Variants in NMT2 observed in about 807,000 individuals in gnomAD.
NMT2 encodes the protein glycylpeptide N-tetradecanoyltransferase 2.
Under a neutral mutation model 65.4 loss-of-function variants are expected in NMT2, and 35 were observed. That is an observed-to-expected ratio of 0.54 (90% CI 0.41 to 0.71). NMT2 has a LOEUF of 0.71. NMT2 is among the 30% of genes least tolerant of loss of function. The pLI, the probability that NMT2 is intolerant of heterozygous loss-of-function variation, is 0.00. For synonymous variants in NMT2, 226 were observed against 231.8 expected, an observed-to-expected ratio of 0.98 and a Z score of 0.23; for missense variants, 489 against 611.3, an observed-to-expected ratio of 0.80 and a Z score of 2.11.
At chr10:15,130,445 G>T in intron 6 of NMT2, 133 bp from the exon 7 acceptor site, 1 of 703,390 alleles carries the variant, frequency 1.4e-6, no homozygotes, top group Non-Finnish European at 2.2e-6. Flanking sequence ...ACTGGCTGTC[G>T]CCTGTAATCT....
intron 1 of NMT2, among the ~76,000 whole-genome samples, chr10:15,144,557 G>A (rs1424486694): frequency 6.6e-6 from 1 of 152,086 alleles, no homozygotes; most frequent in Non-Finnish European, 1.5e-5. Flanking sequence ...TGGTGAAACT[G>A]CGTCTCTACT....
chr10:15,135,049 G>A (rs111523476), intron 3 of NMT2, among the ~76,000 whole-genome samples: 2,759 of 152,210 alleles, frequency 0.018, 81 homozygotes, highest in African/African-American at 0.063. Flanking sequence ...TATTGGGATA[G>A]AAATTGGACT....
intron 1 of NMT2, among the ~76,000 whole-genome samples, chr10:15,167,491 TTC>T (rs1161585212): frequency 1.3e-5 from 2 of 152,196 alleles, no homozygotes; most frequent in Non-Finnish European, 2.9e-5. Context: ...GCTGACCCAC[TTC>T]TCCATCACTC....
intron 1 of NMT2, among the ~76,000 whole-genome samples, chr10:15,162,764 TATTTATATATATATTTG>T (rs1466923889): frequency 1.3e-5 from 2 of 148,462 alleles, no homozygotes; most frequent in African/African-American, 4.9e-5. Flanking sequence ...ATATATATTT[TATTTATATATATATTTG>T]ATTTATATAT....
intron 1 of NMT2, among the ~76,000 whole-genome samples, chr10:15,142,045 C>T (rs1272484155): frequency 6.6e-6 from 1 of 152,162 alleles, no homozygotes. Context: ...CAATGAAAAG[C>T]TTTAAGTGTC....
chr10:15,121,035 C>G (rs1355008992), intron 8 of NMT2, among the ~76,000 whole-genome samples: 8 of 152,182 alleles, frequency 5.3e-5, no homozygotes, highest in South Asian at 4.1e-4. Context: ...CCTGACATCA[C>G]TTTGCTCTCT....
chr10:15,139,606 G>C (rs536462723), intron 2 of NMT2, among the ~76,000 whole-genome samples: 3 of 152,074 alleles, frequency 2.0e-5, no homozygotes, highest in African/African-American at 7.2e-5. Flanking sequence ...TTGGAAAGCT[G>C]TATCTAGTGG....
Position 15,108,502 on chromosome 10 carries a change from G to A in NMT2, c.*693C>T. ...GCCCGGCCTCAGGCTCTTTCAGAGA[G>A]CACAGTGAGTGCTTGCACAAAACTC... On this transcript the variant is annotated 3_prime_UTR_variant, in exon 12 of 12. Coordinates refer to ENST00000378165, the MANE Select transcript of NMT2 (RefSeq NM_004808.3). The A allele has an allele frequency of 1.0e-6, 1 of 985,694 alleles. No homozygotes were observed. The highest frequency in any genetic ancestry group is 1.2e-6 in the Non-Finnish European group (1 of 830,130). The allele number at this position is 985,694 out of a possible 1,614,324, so 61.1% of individuals were successfully genotyped here.
chr10:15,114,739 AT>A (rs1845689977), intron 9 of NMT2, among the ~76,000 whole-genome samples: 2 of 152,214 alleles, frequency 1.3e-5, no homozygotes, highest in African/African-American at 4.8e-5. Flanking sequence ...ATGGTGGCTC[AT>A]GCCTGTAATC....
chr10:15,159,167 T>A (rs916723206), intron 1 of NMT2, among the ~76,000 whole-genome samples: 1 of 152,188 alleles, frequency 6.6e-6, no homozygotes, highest in African/African-American at 2.4e-5. Context: ...CATGCCTGGA[T>A]AATCCCTTTC....
intron 1 of NMT2, among the ~76,000 whole-genome samples, chr10:15,147,900 A>G (rs1847019835): frequency 6.6e-6 from 1 of 152,262 alleles, no homozygotes. Context: ...TGAGTACACC[A>G]AAGTTAAACA....
chr10:15,161,080 T>TAAAAAAAAA (rs1833173025), intron 1 of NMT2, among the ~76,000 whole-genome samples: 1 of 3,250 alleles, frequency 3.1e-4, no homozygotes, highest in Non-Finnish European at 7.0e-4. Context: ...GCCTCAAAAA[T>TAAAAAAAAA]CAAAAAAAAA....
chr10:15,160,636 T>A (rs1163538112), intron 1 of NMT2, among the ~76,000 whole-genome samples: 2 of 151,882 alleles, frequency 1.3e-5, no homozygotes, highest in Non-Finnish European at 2.9e-5. Context: ...TAGCTAGGCA[T>A]GGTAGTGTGC....
intron 9 of NMT2, among the ~76,000 whole-genome samples, chr10:15,119,122 C>T (rs1845840696): frequency 6.6e-6 from 1 of 152,262 alleles, no homozygotes; most frequent in South Asian, 2.1e-4. Context: ...CCATATTCCT[C>T]AACACCACAC....
chr10:15,149,502 CCACCATCATTAT>C (rs1847094819), intron 1 of NMT2, among the ~76,000 whole-genome samples: 1 of 4,718 alleles, frequency 2.1e-4, no homozygotes, highest in African/African-American at 7.8e-4. Flanking sequence ...ACCATCATCA[CCACCATCATTAT>C]CACCACCATC....
At chr10:15,123,839 T>G (rs1234384880) in intron 8 of NMT2, among the ~76,000 whole-genome samples, 2 of 152,182 alleles carry the variant, frequency 1.3e-5, no homozygotes, top group Non-Finnish European at 2.9e-5. Flanking sequence ...GAAATCTGTG[T>G]AAAATCTGCT....
rs750833382 is a variant in NMT2, at chr10:15,168,649, C to T, written c.-37G>A. 61 of 1,511,270 alleles carry T rather than the reference C, an allele frequency of 4.0e-5. No individual in the cohort carries two copies. Among genetic ancestry groups the T allele is most frequent in the Non-Finnish European group, 5.0e-5 (56 of 1,122,556 alleles). The allele number at this position is 1,511,270 out of a possible 1,614,324, so 93.6% of individuals were successfully genotyped here. A position where few individuals can be genotyped will look rare whatever the true frequency, so the allele number is the denominator to read the frequency against. ...TGGCTGGGGAGGCGGTGCTCGGGGCCGGGCCGGAGCGGCCGCAGCTCCCTC... is the reference window on the plus strand; with the variant it reads ...TGGCTGGGGAGGCGGTGCTCGGGGCTGGGCCGGAGCGGCCGCAGCTCCCTC... On this transcript the variant is annotated 5_prime_UTR_variant, in exon 1 of 12. Transcript: ENST00000378165.
chr10:15,143,319 G>A (rs1269646181), intron 1 of NMT2, among the ~76,000 whole-genome samples: 1 of 152,144 alleles, frequency 6.6e-6, no homozygotes, highest in Non-Finnish European at 1.5e-5. Flanking sequence ...CACAACCTAG[G>A]GGATTATCCC....
At chr10:15,144,563 C>T (rs1846891839) in intron 1 of NMT2, among the ~76,000 whole-genome samples, 1 of 152,146 alleles carries the variant, frequency 6.6e-6, no homozygotes, top group Admixed American at 6.5e-5. Flanking sequence ...AACTGCGTCT[C>T]TACTAAAAAT....
Sources: gnomAD v4.1 joint callset for allele counts (sites outside exome capture counted in the v4.1 genomes callset) on GRCh38, gnomAD v4.1.1 for gene constraint, MANE v1.5 for transcripts, NCBI Gene and HGNC (gene_info 2026-07-23, HGNC 2026-07-21) for gene names.